Variants in AKT1 observed in about 807,000 individuals in gnomAD.
AKT1 encodes RAC-alpha serine/threonine-protein kinase.
Under a neutral mutation model 63.1 loss-of-function variants are expected in AKT1, and 21 were observed. The ratio of observed to expected loss-of-function variants is 0.33; its 90% CI spans 0.24 to 0.48. AKT1 has a LOEUF of 0.48. Among genes scored for constraint, AKT1 ranks in the 20% least tolerant of loss-of-function variants. AKT1 has a pLI of 0.99. For missense variants in AKT1, 382 were observed against 666.0 expected (o/e 0.57, Z 4.69); for synonymous variants, 257 against 253.1 (o/e 1.02, Z -0.15).
intron 14 of AKT1, 142 bp downstream of exon 14, chr14:104,770,603 C>T (rs1384368095): frequency 3.2e-6 from 3 of 948,882 alleles, no homozygotes; most frequent in Admixed American, 2.4e-5. Flanking sequence ...TGCCTCCCAC[C>T]CTGATCATTG....
rs1319878648 is a variant in AKT1, at chr14:104,774,869, C to T, written c.633+69G>A. The T allele has an allele frequency of 2.6e-5, 39 of 1,519,712 alleles. 1 individual carries two copies. Among genetic ancestry groups the T allele is most frequent in the South Asian group, 2.4e-4 (20 of 83,018 alleles). The allele number at this position is 1,519,712 out of a possible 1,614,324, so 94.1% of individuals were successfully genotyped here. ...CGTGCCCAAGAAGACAGGACATCGT[C>T]CCCTAGAGACAGCCCCAGGAGTCGC... On this transcript the variant is annotated intron_variant, in intron 8 of 14. Coordinates refer to ENST00000649815, the MANE Select transcript of AKT1 (RefSeq NM_001382430.1).
At chr14:104,790,081 C>T (rs1189550891) in intron 3 of AKT1, among the ~76,000 whole-genome samples, 1 of 152,234 alleles carries the variant, frequency 6.6e-6, no homozygotes, top group African/African-American at 2.4e-5. Context: ...CGTCCCCTCT[C>T]ATCTCAATGA....
chr14:104,774,528 G>C (rs1261926718), intron 8 of AKT1: 12 of 248,238 alleles, frequency 4.8e-5, no homozygotes, highest in Non-Finnish European at 9.4e-5. Context: ...CAGTGACCTG[G>C]AACTAACCAA....
rs202219163 is a variant in AKT1 at position 104,773,873 on chromosome 14, C to G, written c.702+39G>C. 2.9e-4 allele frequency: 459 copies of G among 1,561,154 alleles called. 2 individuals carry two copies. In the African/African-American group the frequency reaches 4.8e-3, roughly 16 times the overall value. On this transcript the variant is annotated intron_variant, in intron 9 of 14. Coordinates refer to ENST00000649815, the MANE Select transcript of AKT1 (RefSeq NM_001382430.1). ...GACCGGCCCCACCATGGGCGGCCCACAGGCCGCGAAGTCCATCCCCCGCAG... is the reference window on the plus strand; with the variant it reads ...GACCGGCCCCACCATGGGCGGCCCAGAGGCCGCGAAGTCCATCCCCCGCAG...
In AKT1 at chr14:104,769,913, G is replaced by C; in HGVS notation, c.*428C>G. Reference sequence around the variant, plus strand: ...AGTGAGGTTGCATCTGGTGCCACCAGGTTGAACTGAGGCCCAGGGCCCCAG... The same window carrying C: ...AGTGAGGTTGCATCTGGTGCCACCACGTTGAACTGAGGCCCAGGGCCCCAG... On this transcript the variant is annotated 3_prime_UTR_variant, in exon 15 of 15. Coordinates refer to ENST00000649815, the MANE Select transcript of AKT1 (RefSeq NM_001382430.1). The C allele has an allele frequency of 2.5e-6, 1 of 401,452 alleles. No individual in the cohort carries two copies. The highest frequency in any genetic ancestry group is 4.6e-6 in the Non-Finnish European group (1 of 216,184). The allele number at this position is 401,452 out of a possible 1,614,324, so 24.9% of individuals were successfully genotyped here.
intron 5 of AKT1, 177 bp from the exon 6 acceptor site, chr14:104,775,976 C>T (rs1320414904): frequency 8.6e-6 from 6 of 699,018 alleles, no homozygotes; most frequent in Non-Finnish European, 1.4e-5. Context: ...GGTCACGAAG[C>T]CCTCTTGGAC....
chr14:104,782,416 C>T (rs1440402268), intron 3 of AKT1, among the ~76,000 whole-genome samples: 4 of 152,182 alleles, frequency 2.6e-5, no homozygotes, highest in Admixed American at 6.5e-5. Context: ...CCCCCGAGCA[C>T]GCAGCTCCCG....
intron 3 of AKT1, 135 bp downstream of exon 3, chr14:104,792,463 A>T: frequency 1.0e-6 from 1 of 990,928 alleles, no homozygotes; most frequent in African/African-American, 1.6e-5. Flanking sequence ...GGCCCAGGAC[A>T]CTCACCCTAG....
intron 4 of AKT1, among the ~76,000 whole-genome samples, chr14:104,779,173 G>A (rs544891932): frequency 1.3e-5 from 2 of 152,272 alleles, no homozygotes; most frequent in East Asian, 1.9e-4. Context: ...ACCTGCCCCC[G>A]CTACAGGTAA....
intron 13 of AKT1, chr14:104,771,955 C>T (rs961590934): frequency 3.0e-6 from 1 of 333,018 alleles, no homozygotes; most frequent in Admixed American, 4.5e-5. Context: ...CTCCTTGCGG[C>T]AGAAGGGATT....
intron 3 of AKT1, among the ~76,000 whole-genome samples, chr14:104,787,864 C>A (rs1383919456): frequency 1.3e-5 from 2 of 152,236 alleles, no homozygotes; most frequent in Non-Finnish European, 2.9e-5. Context: ...TGACCCCTCA[C>A]CCCCACTCAA....
intron 14 of AKT1, 28 bp from the exon 15 acceptor site, chr14:104,770,448 G>A: frequency 1.3e-6 from 2 of 1,545,914 alleles, no homozygotes; most frequent in Non-Finnish European, 1.7e-6. Context: ...TCAGACCCCG[G>A]TGCCCCACCT....
chr14:104,783,704 G>A (rs1487822013), intron 3 of AKT1, among the ~76,000 whole-genome samples: 1 of 152,088 alleles, frequency 6.6e-6, no homozygotes, highest in Non-Finnish European at 1.5e-5. Context: ...CACTCCCAAG[G>A]GCAATGGAGA....
chr14:104,785,089 C>T (rs61759787), intron 3 of AKT1, among the ~76,000 whole-genome samples: 3,266 of 152,314 alleles, frequency 0.021, 117 homozygotes, highest in African/African-American at 0.073. Flanking sequence ...CAGCGGCCAC[C>T]GTGGTCCCCA....
rs779114873 is a variant in AKT1 at position 104,780,212 on chromosome 14, C to T, written c.51G>A (p.Glu17=). 1 of 1,613,278 alleles carries T rather than the reference C, an allele frequency of 6.2e-7. No individual in the cohort carries two copies. Among genetic ancestry groups the T allele is most frequent in the East Asian group, 2.2e-5 (1 of 44,882 alleles). ...VKEGWLHKRG[E]YIKTWRPRYF... is the part of the protein sequence containing the mutation. ...AGCGTGGCCGCCAGGTCTTGATGTA[C>T]TCCCCTACAGACGTGCGGGTGGTGA... Residue 17 remains glutamate, a synonymous_variant, in exon 4 of 15, where the codon GAG becomes GAA. Coordinates refer to ENST00000649815, the MANE Select transcript of AKT1 (RefSeq NM_001382430.1).
At chr14:104,794,545 C>T in intron 1 of AKT1, 1 of 133,514 alleles carries the variant, frequency 7.5e-6, no homozygotes, top group East Asian at 2.0e-4. Flanking sequence ...ATTATTAAGT[C>T]ACAACTTAAA....
In AKT1 at chr14:104,773,391, G is replaced by A. The variant is rs2140905866; in HGVS notation, c.829-12C>T. On this transcript the variant is annotated splice_polypyrimidine_tract_variant and intron_variant, in intron 10 of 14. Transcript: ENST00000649815. The stretch of plus-strand genomic sequence containing the variant: ...ATGAGGTTCTCCAGCTAGGGGAAAG[G>A]TGGCCTCAGGTCAGTGCCGCCAGGC... 4 of 1,614,162 alleles carry A rather than the reference G, an allele frequency of 2.5e-6. No individual in the cohort carries two copies. Among genetic ancestry groups the A allele is most frequent in the Non-Finnish European group, 3.4e-6 (4 of 1,179,988 alleles).
chr14:104,783,580 C>A (rs927327548), intron 3 of AKT1, among the ~76,000 whole-genome samples: 4 of 149,090 alleles, frequency 2.7e-5, no homozygotes, highest in Admixed American at 6.9e-5. Context: ...TGGGCACAGA[C>A]CCCCAGGTTG....
At chr14:104,776,849 G>GCCAGCTCCCCTTGCATACCAC in intron 4 of AKT1, 79 bp from the exon 5 acceptor site, 1 of 1,234,854 alleles carries the variant, frequency 8.1e-7, no homozygotes, top group Admixed American at 1.9e-5. Context: ...CGCTGCACCA[G>GCCAGCTCCCCTTGCATACCAC]CCAGCTCCCC....
Sources: allele counts gnomAD v4.1 joint callset (sites outside exome capture counted in the v4.1 genomes callset), GRCh38; gene constraint gnomAD v4.1.1; transcripts MANE v1.5; gene names NCBI Gene and HGNC (gene_info 2026-07-23, HGNC 2026-07-21).